LHFPL3: variants seen among roughly 807,000 people sequenced by gnomAD.
The protein encoded by LHFPL3 is LHFPL tetraspan subfamily member 3 protein.
LHFPL3 carries 5 observed loss-of-function variants against 19.3 expected under a neutral mutation model. The observed-to-expected ratio is 0.26, with a 90% CI of 0.14 to 0.54. LHFPL3 has a LOEUF of 0.54. Ranked by LOEUF, LHFPL3 falls within the 20% of genes least tolerant of loss-of-function variation. The pLI, the probability that LHFPL3 is intolerant of heterozygous loss-of-function variation, is 0.94. For missense variants in LHFPL3, 249 were observed against 307.4 expected (o/e 0.81, Z 1.42); for synonymous variants, 133 against 126.2 (o/e 1.05, Z -0.36).
At chr7:104,877,276 T>TAA (rs60073592) in intron 2 of LHFPL3, among the ~76,000 whole-genome samples, 30 of 138,456 alleles carry the variant, frequency 2.2e-4, no homozygotes, top group East Asian at 1.7e-3. Context: ...TAAAGTATAA[T>TAA]AAAAAAAAAA....
chr7:104,341,604 A>G (rs1789954199), intron 1 of LHFPL3, among the ~76,000 whole-genome samples: 3 of 152,238 alleles, frequency 2.0e-5, no homozygotes, highest in Admixed American at 1.3e-4. Flanking sequence ...CCTGAAGGCC[A>G]TGGTGAATAG....
At chr7:104,413,002 A>T (rs1791560635) in intron 1 of LHFPL3, among the ~76,000 whole-genome samples, 1 of 152,232 alleles carries the variant, frequency 6.6e-6, no homozygotes, top group African/African-American at 2.4e-5. Context: ...CACACACAGA[A>T]TAAGGGACAG....
In LHFPL3 at chr7:104,674,393, G is replaced by A. The variant is rs1191496836; in HGVS notation, c.446-62282G>A. ...TTTTCTTTTTTTTTTTTTTTTTGAC[G>A]GATTTTCGCTCTGTTGCCAGGCTGG... On this transcript the variant is annotated intron_variant, in intron 1 of 2. Coordinates refer to ENST00000424859, the MANE Select transcript of LHFPL3 (RefSeq NM_199000.3). 3.6e-5 allele frequency among the ~76,000 whole-genome samples: 5 copies of A among 138,760 alleles called. No individual in the cohort carries two copies. In the East Asian group the frequency reaches 8.1e-4, roughly 22 times the overall value. 91.0% of individuals were successfully genotyped at this position (138,760 alleles called of 152,430 possible). A position where few individuals can be genotyped will look rare whatever the true frequency, so the allele number is the denominator to read the frequency against.
chr7:104,404,906 C>T (rs1414360987), intron 1 of LHFPL3, among the ~76,000 whole-genome samples: 2 of 152,168 alleles, frequency 1.3e-5, no homozygotes, highest in African/African-American at 4.8e-5. Flanking sequence ...AAACTTTATA[C>T]ATTTACCTAC....
intron 2 of LHFPL3, among the ~76,000 whole-genome samples, chr7:104,898,781 C>T (rs955440702): frequency 1.3e-5 from 2 of 151,730 alleles, no homozygotes; most frequent in Non-Finnish European, 2.9e-5. Context: ...CATCTTGACA[C>T]TACACTCCAG....
rs114477085 is a variant in LHFPL3, at chr7:104,454,145, A to T, written c.445+124921A>T. Among the ~76,000 whole-genome samples, 1,057 of 152,270 alleles carry T rather than the reference A, an allele frequency of 6.9e-3. 10 individuals are homozygous for T. Among genetic ancestry groups the T allele is most frequent in the African/African-American group, 0.024 (1,007 of 41,544 alleles). Reference sequence around the variant, plus strand: ...GAATAGGGAAGCTAACCAAAGAGGGAGATGGAGATTGGGGAGAGATGAACA... The same window carrying T: ...GAATAGGGAAGCTAACCAAAGAGGGTGATGGAGATTGGGGAGAGATGAACA... On this transcript the variant is annotated intron_variant, in intron 1 of 2. Transcript: ENST00000424859.
intron 1 of LHFPL3, among the ~76,000 whole-genome samples, chr7:104,596,492 C>T (rs1790862988): frequency 6.6e-6 from 1 of 152,164 alleles, no homozygotes; most frequent in African/African-American, 2.4e-5. Flanking sequence ...CTCTGTATAT[C>T]CAAGATGAAG....
At chr7:104,792,374 C>T (rs1407829327) in intron 2 of LHFPL3, among the ~76,000 whole-genome samples, 1 of 152,208 alleles carries the variant, frequency 6.6e-6, no homozygotes, top group African/African-American at 2.4e-5. Flanking sequence ...CAATTTAATC[C>T]AAAAACTGCT....
At chr7:104,882,527 C>T (rs373727182) in intron 2 of LHFPL3, among the ~76,000 whole-genome samples, 10 of 152,102 alleles carry the variant, frequency 6.6e-5, no homozygotes, top group East Asian at 1.9e-4. Context: ...GGATTACAGG[C>T]GTGAGCCACT....
At chr7:104,412,959 C>A (rs1344130687) in intron 1 of LHFPL3, among the ~76,000 whole-genome samples, 2 of 152,166 alleles carry the variant, frequency 1.3e-5, no homozygotes, top group African/African-American at 4.8e-5. Flanking sequence ...CAGTCACCTG[C>A]CTTCTTTCCA....
At chr7:104,554,337 C>T (rs1166196042) in intron 1 of LHFPL3, among the ~76,000 whole-genome samples, 2 of 151,578 alleles carry the variant, frequency 1.3e-5, no homozygotes, top group African/African-American at 4.9e-5. Flanking sequence ...AGATGATTTG[C>T]AAAATTTATT....
At chr7:104,531,357 T>C (rs2115844833) in intron 1 of LHFPL3, among the ~76,000 whole-genome samples, 1 of 152,250 alleles carries the variant, frequency 6.6e-6, no homozygotes. Flanking sequence ...CTGGATAAAA[T>C]AAGAGTTGGC....
chr7:104,343,551 A>C (rs1234005020), intron 1 of LHFPL3, among the ~76,000 whole-genome samples: 1 of 132,358 alleles, frequency 7.6e-6, no homozygotes, highest in African/African-American at 2.9e-5. Context: ...AAAAAAAAAA[A>C]GCCAAGCTTG....
chr7:104,496,597 G>T (rs1235207140), intron 1 of LHFPL3, among the ~76,000 whole-genome samples: 2 of 152,252 alleles, frequency 1.3e-5, no homozygotes, highest in Middle Eastern at 3.4e-3. Context: ...CAGTGTAAAA[G>T]TGTTCCTATT....
intron 2 of LHFPL3, among the ~76,000 whole-genome samples, chr7:104,753,052 C>T (rs1290389413): frequency 5.9e-5 from 9 of 152,144 alleles, no homozygotes; most frequent in Admixed American, 5.2e-4. Context: ...TTAACAAGCA[C>T]ATTTAAGTAA....
chr7:104,595,442 A>C (rs1790829125), intron 1 of LHFPL3, among the ~76,000 whole-genome samples: 1 of 152,176 alleles, frequency 6.6e-6, no homozygotes, highest in Non-Finnish European at 1.5e-5. Flanking sequence ...GCTTTGTCCC[A>C]GAGAGGCAGC....
Position 104,366,799 on chromosome 7 carries a change from A to G in LHFPL3, c.445+37575A>G, listed in dbSNP as rs1790503528. Among the ~76,000 whole-genome samples the G allele has an allele frequency of 3.9e-5, 6 of 152,342 alleles. No individual in the cohort carries two copies. In the South Asian group the frequency reaches 1.2e-3, roughly 32 times the overall value. On this transcript the variant is annotated intron_variant, in intron 1 of 2. Coordinates refer to ENST00000424859, the MANE Select transcript of LHFPL3 (RefSeq NM_199000.3). ...GATTCCTAGGGATTCAGTAAATACAATATCGAGAAAATGAAACAGAAATGA... is the reference window on the plus strand; with the variant it reads ...GATTCCTAGGGATTCAGTAAATACAGTATCGAGAAAATGAAACAGAAATGA...
chr7:104,876,979 G>A (rs1351136773), intron 2 of LHFPL3, among the ~76,000 whole-genome samples: 40 of 152,124 alleles, frequency 2.6e-4, no homozygotes, highest in East Asian at 1.2e-3. Context: ...CTTTGTAGGG[G>A]CATGGATGAA....
Position 104,847,460 on chromosome 7 carries a change from G to GT in LHFPL3, c.683-58720dup, listed in dbSNP as rs566836522. Among the ~76,000 whole-genome samples, 37 of 152,228 alleles carry GT rather than the reference G, an allele frequency of 2.4e-4. 2 individuals are homozygous for GT. In the South Asian group the frequency reaches 5.2e-3, roughly 21 times the overall value. ...AGTTATTAACCAAATATGCAATGTC[G>GT]TTTTTTTAACAGAGCTTTCTCTTTC... is the stretch of plus-strand genomic sequence containing the variant. On this transcript the variant is annotated intron_variant, in intron 2 of 2. Transcript: ENST00000424859.
Sources: gnomAD v4.1 joint callset for allele counts (sites outside exome capture counted in the v4.1 genomes callset) on GRCh38, gnomAD v4.1.1 for gene constraint, MANE v1.5 for transcripts, NCBI Gene and HGNC (gene_info 2026-07-23, HGNC 2026-07-21) for gene names.